Variants in KCNIP1 observed in about 807,000 individuals in gnomAD.
KCNIP1 encodes potassium voltage-gated channel interacting protein 1.
A neutral mutation model predicts 33.0 loss-of-function variants in KCNIP1; 18 were observed. The observed-to-expected ratio is 0.55, with a 90% CI of 0.38 to 0.81. The LOEUF (loss-of-function observed/expected upper bound fraction) is 0.81, where lower values mean the gene tolerates loss of function less well. Among genes scored for constraint, KCNIP1 ranks in the 30% least tolerant of loss-of-function variants. The pLI, the probability that KCNIP1 is intolerant of heterozygous loss-of-function variation, is 0.00. For missense variants in KCNIP1, 238 were observed against 271.6 expected (o/e 0.88, Z 0.87); for synonymous variants, 93 against 98.3 (o/e 0.95, Z 0.32).
chr5:170,670,323 AC>A (rs1252369289), intron 1 of KCNIP1, among the ~76,000 whole-genome samples: 1 of 151,958 alleles, frequency 6.6e-6, no homozygotes, highest in Non-Finnish European at 1.5e-5. Flanking sequence ...AAGGTAGATG[AC>A]CTCCCATGGT....
intron 1 of KCNIP1, among the ~76,000 whole-genome samples, chr5:170,361,071 G>A (rs888977498): frequency 3.3e-5 from 5 of 152,226 alleles, no homozygotes; most frequent in East Asian, 1.9e-4. Context: ...CCCCCATTCC[G>A]CTCTCATGCT....
chr5:170,634,339 A>G (rs1760199349), intron 1 of KCNIP1, among the ~76,000 whole-genome samples: 1 of 152,164 alleles, frequency 6.6e-6, no homozygotes, highest in Admixed American at 6.5e-5. Context: ...AACCGGATGG[A>G]TGGGTGCCAC....
intron 1 of KCNIP1, among the ~76,000 whole-genome samples, chr5:170,453,430 AT>A (rs1411445234): frequency 2.0e-5 from 3 of 152,234 alleles, no homozygotes; most frequent in Non-Finnish European, 2.9e-5. Flanking sequence ...ACTTCCAGGC[AT>A]CATTTAGCGG....
At chr5:170,622,184 A>G (rs1467034270) in intron 1 of KCNIP1, among the ~76,000 whole-genome samples, 2 of 152,224 alleles carry the variant, frequency 1.3e-5, no homozygotes, top group Non-Finnish European at 2.9e-5. Flanking sequence ...CGTCCTTCCC[A>G]AATTCATATT....
chr5:170,425,117 C>T (rs1755583350), intron 1 of KCNIP1, among the ~76,000 whole-genome samples: 1 of 152,176 alleles, frequency 6.6e-6, no homozygotes, highest in Admixed American at 6.5e-5. Flanking sequence ...AGCTCTGTTT[C>T]ATTTACTTTA....
intron 1 of KCNIP1, among the ~76,000 whole-genome samples, chr5:170,595,452 G>A (rs986679681): frequency 9.9e-5 from 15 of 152,230 alleles, no homozygotes; most frequent in Admixed American, 5.9e-4. Flanking sequence ...CATGCTGAGC[G>A]CTTTGCTTGG....
chr5:170,632,650 C>T (rs1398602414), intron 1 of KCNIP1, among the ~76,000 whole-genome samples: 1 of 152,224 alleles, frequency 6.6e-6, no homozygotes, highest in Non-Finnish European at 1.5e-5. Flanking sequence ...CTCCCTTCCT[C>T]GATTCCTAAA....
At chr5:170,729,781 A>T (rs1219524609) in intron 5 of KCNIP1, among the ~76,000 whole-genome samples, 1 of 152,138 alleles carries the variant, frequency 6.6e-6, no homozygotes. Context: ...AAGTGTTCTG[A>T]TAATAAACTT....
chr5:170,597,754 A>G (rs1210931699), intron 1 of KCNIP1, among the ~76,000 whole-genome samples: 2 of 137,482 alleles, frequency 1.5e-5, no homozygotes, highest in Admixed American at 1.5e-4. Context: ...CTTGATTTAC[A>G]GCTCACTTCT....
chr5:170,729,344 TATG>T (rs1764116410), intron 5 of KCNIP1, among the ~76,000 whole-genome samples: 1 of 152,068 alleles, frequency 6.6e-6, no homozygotes. Context: ...ATCTGCAATT[TATG>T]ATGACAGAAA....
At chr5:170,485,532 T>G (rs1003113433) in intron 1 of KCNIP1, among the ~76,000 whole-genome samples, 1 of 152,142 alleles carries the variant, frequency 6.6e-6, no homozygotes, top group African/African-American at 2.4e-5. Flanking sequence ...TCATGAGGAT[T>G]CATAAACCCT....
chr5:170,397,468 A>C (rs1754790431), intron 1 of KCNIP1, among the ~76,000 whole-genome samples: 1 of 151,806 alleles, frequency 6.6e-6, no homozygotes, highest in Non-Finnish European at 1.5e-5. Flanking sequence ...GTAAGAGCAA[A>C]AAAAGAGGGC....
intron 1 of KCNIP1, among the ~76,000 whole-genome samples, chr5:170,638,825 C>T (rs1365278305): frequency 1.3e-5 from 2 of 152,228 alleles, no homozygotes; most frequent in Non-Finnish European, 2.9e-5. Context: ...CCTCCTCTCC[C>T]GAATCTCCGG....
chr5:170,406,850 A>T (rs1324475181), intron 1 of KCNIP1, among the ~76,000 whole-genome samples: 5 of 152,220 alleles, frequency 3.3e-5, no homozygotes, highest in African/African-American at 1.2e-4. Flanking sequence ...AGGCAAGGCC[A>T]TGGGCCCAAA....
At chr5:170,641,227 C>G (rs140683815) in intron 1 of KCNIP1, among the ~76,000 whole-genome samples, 2 of 152,328 alleles carry the variant, frequency 1.3e-5, no homozygotes, top group East Asian at 3.9e-4. Flanking sequence ...GGAAGAGCCT[C>G]TTTCCCAGAC....
chr5:170,471,225 G>A (rs571867834), intron 1 of KCNIP1, among the ~76,000 whole-genome samples: 4 of 152,212 alleles, frequency 2.6e-5, no homozygotes, highest in South Asian at 2.1e-4. Context: ...TTGAACTATC[G>A]GTTGGGTGCT....
chr5:170,382,929 A>G (rs1764303012), intron 1 of KCNIP1: 2 of 147,992 alleles, frequency 1.4e-5, no homozygotes, highest in South Asian at 4.5e-4. Context: ...TGAGAGGAGG[A>G]AAGAAGGAAA....
At chr5:170,537,954 C>T (rs548178986) in intron 1 of KCNIP1, among the ~76,000 whole-genome samples, 97 of 152,348 alleles carry the variant, frequency 6.4e-4, no homozygotes, top group Middle Eastern at 6.8e-3. Flanking sequence ...TGGCCACAGA[C>T]CTGGCACAAT....
At chr5:170,598,885 C>A in intron 1 of KCNIP1, among the ~76,000 whole-genome samples, 1 of 140,998 alleles carries the variant, frequency 7.1e-6, no homozygotes, top group African/African-American at 2.7e-5. Context: ...TTCCCATAGC[C>A]CCGCTGTGTG....
Sources: gnomAD v4.1 joint callset for allele counts (sites outside exome capture counted in the v4.1 genomes callset) on GRCh38, gnomAD v4.1.1 for gene constraint, MANE v1.5 for transcripts, NCBI Gene and HGNC (gene_info 2026-07-23, HGNC 2026-07-21) for gene names.